Variants in ARHGEF11 observed in about 807,000 individuals in gnomAD.
ARHGEF11 encodes Rho guanine nucleotide exchange factor 11, also known as Rho guanine exchange factor (GEF) 11.
ARHGEF11 carries 55 observed loss-of-function variants against 193.7 expected under a neutral mutation model. The ratio of observed to expected loss-of-function variants is 0.28; its 90% CI spans 0.23 to 0.36. The LOEUF is 0.36. ARHGEF11 is among the 10% of genes least tolerant of loss of function. The probability of loss-of-function intolerance (pLI) is 1.00; values close to 1 mark genes in which losing one functional copy is unlikely to be tolerated. For missense variants in ARHGEF11, 1,723 were observed against 2,005.6 expected, an observed-to-expected ratio of 0.86 and a Z score of 2.69; for synonymous variants, 693 against 768.0, an observed-to-expected ratio of 0.90 and a Z score of 1.62.
chr1:156,959,174 A>T, intron 15 of ARHGEF11, 32 bp from the exon 16 acceptor site: 2 of 1,586,308 alleles, frequency 1.3e-6, no homozygotes, highest in Non-Finnish European at 1.7e-6. Flanking sequence ...AGCAGAGTGG[A>T]TGGGGTACTG....
chr1:156,972,034 G>A (rs1202758055), intron 7 of ARHGEF11, among the ~76,000 whole-genome samples: 1 of 152,196 alleles, frequency 6.6e-6, no homozygotes, highest in African/African-American at 2.4e-5. Flanking sequence ...GACAACCACA[G>A]AAAGAAGACA....
intron 10 of ARHGEF11, among the ~76,000 whole-genome samples, chr1:156,968,548 A>G (rs905368013): frequency 6.6e-6 from 1 of 152,090 alleles, no homozygotes; most frequent in African/African-American, 2.4e-5. Context: ...ACTTTCCCAC[A>G]TACCGATCCT....
At chr1:157,024,298 C>T (rs754727498) in intron 1 of ARHGEF11, among the ~76,000 whole-genome samples, 2 of 152,158 alleles carry the variant, frequency 1.3e-5, no homozygotes, top group Non-Finnish European at 2.9e-5. Context: ...TGAGAAGTGA[C>T]TGCTAATGGG....
chr1:156,944,899 T>C (rs1295147399), intron 30 of ARHGEF11, 120 bp downstream of exon 30: 2 of 1,336,094 alleles, frequency 1.5e-6, no homozygotes, highest in Admixed American at 2.3e-5. Flanking sequence ...GGCTCCATTG[T>C]GCCACCCTAT....
In ARHGEF11 at chr1:156,942,009, G is replaced by C. The variant is rs761670121; in HGVS notation, c.3327-20C>G. 3.7e-6 allele frequency: 6 copies of C among 1,614,042 alleles called. No individual in the cohort carries two copies. Among genetic ancestry groups the C allele is most frequent in the Non-Finnish European group, 5.1e-6 (6 of 1,180,008 alleles). On this transcript the variant is annotated intron_variant, in intron 33 of 40. Coordinates refer to ENST00000368194, the MANE Select transcript of ARHGEF11 (RefSeq NM_198236.3). ...ATCCATCTGTTGCTCGGCAGGAACA[G>C]AGAGGACTGTAGTGAGAGCAAGATA...
At chr1:156,945,849 C>T (rs1335062706) in intron 29 of ARHGEF11, 196 bp downstream of exon 29, 19 of 520,930 alleles carry the variant, frequency 3.6e-5, no homozygotes. Context: ...CCTACTCCTC[C>T]CACTATTAAA....
At chr1:157,029,306 G>C (rs895917369) in intron 1 of ARHGEF11, among the ~76,000 whole-genome samples, 3 of 150,692 alleles carry the variant, frequency 2.0e-5, no homozygotes, top group Admixed American at 2.0e-4. Flanking sequence ...GTCTTGCTCT[G>C]TTGCCCAGGC....
chr1:156,996,500 A>C (rs960548822), intron 1 of ARHGEF11, among the ~76,000 whole-genome samples: 6 of 152,178 alleles, frequency 3.9e-5, no homozygotes, highest in African/African-American at 1.4e-4. Flanking sequence ...AAGGGGATGG[A>C]TCTCACAACA....
chr1:156,975,569 TA>T (rs1240576543), intron 7 of ARHGEF11, among the ~76,000 whole-genome samples: 1 of 152,216 alleles, frequency 6.6e-6, no homozygotes, highest in Non-Finnish European at 1.5e-5. Flanking sequence ...GAAATCCAAC[TA>T]TTTTTTTGGG....
In ARHGEF11 at chr1:156,957,861, G is replaced by A; in HGVS notation, c.1503-46C>T. On this transcript the variant is annotated intron_variant, in intron 17 of 40. Transcript: ENST00000368194. ...GATGACTCAGACTGCAAAGACAGAG[G>A]CTGGTCACCTGGTTAGAGGCTAGGA... is the stretch of plus-strand genomic sequence containing the variant. 2.5e-6 allele frequency: 4 copies of A among 1,606,178 alleles called. No individual in the cohort carries two copies. In the South Asian group the frequency reaches 4.4e-5, roughly 18 times the overall value.
At position 156,963,574 on chromosome 1, in the gene ARHGEF11, CTTTG is replaced by C; in HGVS notation, c.980_983del (p.Pro327ArgfsTer3). On this transcript the variant is annotated frameshift_variant, in exon 12 of 41. Coordinates refer to ENST00000368194, the MANE Select transcript of ARHGEF11 (RefSeq NM_198236.3). LOFTEE classifies it high-confidence loss of function. Reference sequence around the variant, plus strand: ...CTTCCTCTGGGCCAATAATTAAAGGCTTTGGGCTTTGATCTACACCCTGGGGGAG... The same window carrying C: ...CTTCCTCTGGGCCAATAATTAAAGGCGGCTTTGATCTACACCCTGGGGGAG... 6.6e-7 allele frequency: 1 copy of C among 1,519,044 alleles called. No individual in the cohort carries two copies. The highest frequency in any genetic ancestry group is 8.9e-7 in the Non-Finnish European group (1 of 1,128,490). 94.1% of individuals were successfully genotyped at this position (1,519,044 alleles called of 1,614,324 possible).
At chr1:156,936,133 C>G (rs763573365) in intron 40 of ARHGEF11, 75 bp from the exon 41 acceptor site, 1 of 1,457,238 alleles carries the variant, frequency 6.9e-7, no homozygotes, top group Non-Finnish European at 9.6e-7. Context: ...CTAGAAAGTT[C>G]AGGCTCACGA....
At chr1:156,936,183 C>T (rs975582171) in intron 40 of ARHGEF11, 125 bp from the exon 41 acceptor site, 1 of 1,028,562 alleles carries the variant, frequency 9.7e-7, no homozygotes, top group African/African-American at 1.6e-5. Flanking sequence ...TCCAGAAACC[C>T]CAGTTTCTCG....
chr1:156,985,410 G>T (rs1664768427), intron 2 of ARHGEF11, among the ~76,000 whole-genome samples: 1 of 152,130 alleles, frequency 6.6e-6, no homozygotes, highest in Non-Finnish European at 1.5e-5. Context: ...CTGTATGAGT[G>T]TACATCTCTG....
chr1:157,039,895 C>CA (rs1672519443), intron 1 of ARHGEF11, among the ~76,000 whole-genome samples: 1 of 152,192 alleles, frequency 6.6e-6, no homozygotes, highest in Admixed American at 6.5e-5. Context: ...ACTAGAGTTT[C>CA]TAAACTCCAT....
chr1:156,937,507 A>T lies in ARHGEF11; in HGVS notation c.4193-11T>A, dbSNP rs765717180. The T allele has an allele frequency of 3.9e-5, 59 of 1,513,898 alleles. No individual in the cohort carries two copies. The highest frequency in any genetic ancestry group is 5.0e-5 in the Non-Finnish European group (57 of 1,132,616). The allele number at this position is 1,513,898 out of a possible 1,614,324, so 93.8% of individuals were successfully genotyped here. ...CATAAAAGCAGTTCCCTGTCCCCAC[A>T]GTAAGAGAATGAGATCAGGAGGCAA... On this transcript the variant is annotated splice_polypyrimidine_tract_variant and intron_variant, in intron 38 of 40. Transcript: ENST00000368194.
At chr1:156,940,472 A>G in intron 35 of ARHGEF11, 47 bp from the exon 36 acceptor site, 1 of 1,544,296 alleles carries the variant, frequency 6.5e-7, no homozygotes, top group Admixed American at 1.8e-5. Flanking sequence ...GGGAGAGGGC[A>G]CGTATGGGAG....
At chr1:157,008,962 G>A (rs1298458018) in intron 1 of ARHGEF11, among the ~76,000 whole-genome samples, 1 of 152,172 alleles carries the variant, frequency 6.6e-6, no homozygotes, top group Non-Finnish European at 1.5e-5. Flanking sequence ...GTTTTCAAAG[G>A]CTTTTCCTCC....
chr1:156,967,925 C>T, intron 11 of ARHGEF11, 62 bp downstream of exon 11: 1 of 1,610,512 alleles, frequency 6.2e-7, no homozygotes, highest in East Asian at 2.2e-5. Context: ...CTGGTAACAC[C>T]CATGCCTCCA....
Sources: allele counts gnomAD v4.1 joint callset (sites outside exome capture counted in the v4.1 genomes callset), GRCh38; gene constraint gnomAD v4.1.1; transcripts MANE v1.5; gene names NCBI Gene and HGNC (gene_info 2026-07-23, HGNC 2026-07-21).